The following OPCML variants were observed in gnomAD, a reference collection of about 807,000 sequenced individuals.
OPCML encodes the protein opioid binding protein/cell adhesion molecule like.
In OPCML, 13 loss-of-function variants were observed where a neutral mutation model predicts 37.8. That is an observed-to-expected ratio of 0.34 (90% CI 0.22 to 0.55). The LOEUF is 0.55. Ranked by LOEUF, OPCML falls within the 20% of genes least tolerant of loss-of-function variation. The probability of loss-of-function intolerance (pLI) is 0.91; values close to 1 mark genes in which losing one functional copy is unlikely to be tolerated. For synonymous variants in OPCML, 176 were observed against 168.8 expected, an observed-to-expected ratio of 1.04 and a Z score of -0.33; for missense variants, 341 against 435.6, an observed-to-expected ratio of 0.78 and a Z score of 1.93.
chr11:133,040,841 G>A (rs1947879022), intron 1 of OPCML, among the ~76,000 whole-genome samples: 1 of 152,130 alleles, frequency 6.6e-6, no homozygotes, highest in African/African-American at 2.4e-5. Context: ...GTACAGGGAA[G>A]CACATCAAAC....
chr11:132,860,246 A>G (rs1305663403), intron 2 of OPCML, among the ~76,000 whole-genome samples: 1 of 152,212 alleles, frequency 6.6e-6, no homozygotes, highest in African/African-American at 2.4e-5. Context: ...GGAACTTAAT[A>G]ACTTGCAGAC....
chr11:132,592,116 G>T (rs1469915458), intron 3 of OPCML, among the ~76,000 whole-genome samples: 1 of 152,228 alleles, frequency 6.6e-6, no homozygotes, highest in Non-Finnish European at 1.5e-5. Flanking sequence ...TATACGAAGA[G>T]CAATATCAAC....
At chr11:132,661,173 A>T (rs1941961568) in intron 2 of OPCML, among the ~76,000 whole-genome samples, 1 of 152,100 alleles carries the variant, frequency 6.6e-6, no homozygotes, top group Non-Finnish European at 1.5e-5. Context: ...CCTGGTGAGT[A>T]GCCATGATCC....
intron 2 of OPCML, among the ~76,000 whole-genome samples, chr11:132,766,747 TAA>T: frequency 6.7e-6 from 1 of 149,778 alleles, no homozygotes. Flanking sequence ...CTAAAACCAT[TAA>T]AAAAAAATGA....
At chr11:133,292,145 G>A (rs1942496263) in intron 1 of OPCML, among the ~76,000 whole-genome samples, 1 of 152,062 alleles carries the variant, frequency 6.6e-6, no homozygotes, top group African/African-American at 2.4e-5. Context: ...TGACACATAA[G>A]GGCCCTTTCC....
intron 1 of OPCML, among the ~76,000 whole-genome samples, chr11:133,204,868 G>GTATGTATATATA (rs1938966892): frequency 8.5e-6 from 1 of 117,330 alleles, no homozygotes; most frequent in Non-Finnish European, 1.7e-5. Context: ...ATATATATGT[G>GTATGTATATATA]TATATATATA....
At chr11:133,056,098 A>G (rs1278635584) in intron 1 of OPCML, among the ~76,000 whole-genome samples, 1 of 152,272 alleles carries the variant, frequency 6.6e-6, no homozygotes, top group Non-Finnish European at 1.5e-5. Flanking sequence ...AAATGACTCA[A>G]AAGGCCCAGT....
At chr11:133,288,800 T>C (rs1186259715) in intron 1 of OPCML, among the ~76,000 whole-genome samples, 5 of 152,174 alleles carry the variant, frequency 3.3e-5, no homozygotes, top group African/African-American at 1.2e-4. Context: ...GCTTTCTATG[T>C]TGGGGTTAGT....
chr11:132,440,040 G>T (rs1489870602), intron 4 of OPCML, among the ~76,000 whole-genome samples: 2 of 152,186 alleles, frequency 1.3e-5, no homozygotes, highest in Admixed American at 6.5e-5. Flanking sequence ...TGGTTTCACA[G>T]AATGGGGAGG....
At chr11:132,999,563 T>TGGG (rs1335104774) in intron 1 of OPCML, among the ~76,000 whole-genome samples, 1 of 128,524 alleles carries the variant, frequency 7.8e-6, no homozygotes, top group African/African-American at 3.5e-5. Flanking sequence ...AAGTGACAAA[T>TGGG]GGGGTCGGGG....
intron 1 of OPCML, among the ~76,000 whole-genome samples, chr11:133,207,306 A>G (rs1223479485): frequency 1.3e-5 from 2 of 152,004 alleles, no homozygotes; most frequent in East Asian, 3.9e-4. Context: ...TCTCAAAAAC[A>G]AAAAACAAAC....
intron 4 of OPCML, among the ~76,000 whole-genome samples, chr11:132,486,114 C>A (rs2096199007): frequency 6.6e-6 from 1 of 152,122 alleles, no homozygotes; most frequent in African/African-American, 2.4e-5. Context: ...TTCCAATTGC[C>A]TTAATACTCA....
rs1410386947 is a variant in OPCML at position 133,532,435 on chromosome 11, A to G, written c.-111T>C. The G allele has an allele frequency of 3.0e-6, 4 of 1,324,344 alleles. No homozygotes were observed. The African/African-American group carries it at 5.8e-5, about 19-fold the overall frequency. The allele number at this position is 1,324,344 out of a possible 1,614,324, so 82.0% of individuals were successfully genotyped here. ...GAGCAGGTTTAAATCCAATGTTTGCAAAGGGAGGGAGAGAGCAGAAGAGAG... is the reference window on the plus strand; with the variant it reads ...GAGCAGGTTTAAATCCAATGTTTGCGAAGGGAGGGAGAGAGCAGAAGAGAG... On this transcript the variant is annotated 5_prime_UTR_variant, in exon 1 of 8. Coordinates refer to ENST00000524381, the MANE Select transcript of OPCML (RefSeq NM_001012393.5).
rs191454228 is a variant in OPCML, at chr11:132,711,216, G to A, written c.147-53897C>T. ...CCTTCTCTTACTGCTTTTGTCTCTT[G>A]ATGAACCTTCATATGGTTCTCCGCA... On this transcript the variant is annotated intron_variant, in intron 2 of 7. Transcript: ENST00000524381. Among the ~76,000 whole-genome samples, 570 of 152,300 alleles carry A rather than the reference G, an allele frequency of 3.7e-3. 1 individual carries two copies. Among genetic ancestry groups the A allele is most frequent in the Admixed American group, 7.1e-3 (109 of 15,300 alleles).
chr11:133,334,838 A>T (rs1943707749), intron 1 of OPCML, among the ~76,000 whole-genome samples: 1 of 152,138 alleles, frequency 6.6e-6, no homozygotes. Context: ...GGGTTTGTAG[A>T]GGCCATTGGC....
At chr11:132,495,430 T>A (rs2096228239) in intron 4 of OPCML, among the ~76,000 whole-genome samples, 1 of 152,170 alleles carries the variant, frequency 6.6e-6, no homozygotes, top group Non-Finnish European at 1.5e-5. Flanking sequence ...AAGTGAAGGT[T>A]TAATCCAAGA....
chr11:133,253,112 C>T (rs1941193994), intron 1 of OPCML, among the ~76,000 whole-genome samples: 1 of 148,868 alleles, frequency 6.7e-6, no homozygotes, highest in African/African-American at 2.5e-5. Flanking sequence ...TGCCATTGCA[C>T]TCCAGCCTGG....
intron 4 of OPCML, among the ~76,000 whole-genome samples, chr11:132,492,499 GTTGTTGTTGTCA>G (rs1324383994): frequency 6.6e-6 from 1 of 152,082 alleles, no homozygotes; most frequent in African/African-American, 2.4e-5. Flanking sequence ...AGAATGGAGT[GTTGTTGTTGTCA>G]TTGTTGTTGT....
chr11:132,448,283 T>G (rs2136826133), intron 4 of OPCML, among the ~76,000 whole-genome samples: 1 of 152,344 alleles, frequency 6.6e-6, no homozygotes, highest in Middle Eastern at 3.4e-3. Context: ...CACAGCCGTT[T>G]AACAATGATG....
Sources: allele counts gnomAD v4.1 joint callset (sites outside exome capture counted in the v4.1 genomes callset), GRCh38; gene constraint gnomAD v4.1.1; transcripts MANE v1.5; gene names NCBI Gene and HGNC (gene_info 2026-07-23, HGNC 2026-07-21).